TEKT3: variants seen among roughly 807,000 people sequenced by gnomAD.
TEKT3 encodes the protein tektin 3, also known as tektin-3.
In TEKT3, 49 loss-of-function variants were observed where a neutral mutation model predicts 49.8. The observed-to-expected ratio is 0.98, with a 90% CI of 0.78 to 1.25. The LOEUF (loss-of-function observed/expected upper bound fraction) is 1.25, where lower values mean the gene tolerates loss of function less well. TEKT3 is among the 50% of genes most tolerant of loss of function. The pLI, the probability that TEKT3 is intolerant of heterozygous loss-of-function variation, is 0.00. For synonymous variants in TEKT3, 225 were observed against 237.2 expected, an observed-to-expected ratio of 0.95 and a Z score of 0.47; for missense variants, 595 against 629.5, an observed-to-expected ratio of 0.95 and a Z score of 0.59.
intron 2 of TEKT3, among the ~76,000 whole-genome samples, chr17:15,332,417 G>C (rs563808044): frequency 6.6e-6 from 1 of 152,194 alleles, no homozygotes; most frequent in African/African-American, 2.4e-5. Context: ...TCTGTGCCTC[G>C]GTTGCTTCAC....
At chr17:15,310,747 T>C (rs1198303148) in intron 7 of TEKT3, 2 of 152,164 alleles carry the variant, frequency 1.3e-5, no homozygotes, top group Non-Finnish European at 2.9e-5. Context: ...AAATAAAAAT[T>C]TGTTGAAGAA....
intron 5 of TEKT3, among the ~76,000 whole-genome samples, chr17:15,318,567 C>T (rs1196388667): frequency 6.6e-6 from 1 of 152,130 alleles, no homozygotes; most frequent in Non-Finnish European, 1.5e-5. Context: ...CAGAGTCTGT[C>T]TCTGTTGCCC....
At chr17:15,310,760 A>T (rs1910736134) in intron 7 of TEKT3, 1 of 152,146 alleles carries the variant, frequency 6.6e-6, no homozygotes, top group Non-Finnish European at 1.5e-5. Flanking sequence ...TTGAAGAAGG[A>T]ACTCTGTCAC....
chr17:15,312,511 G>A (rs747873882), intron 6 of TEKT3, 30 bp from the exon 7 acceptor site: 8 of 1,599,148 alleles, frequency 5.0e-6, no homozygotes, highest in Non-Finnish European at 6.9e-6. Flanking sequence ...GCAGACAACA[G>A]TGAGAGTGAT....
At position 15,308,927 on chromosome 17, in the gene TEKT3, T is replaced by C. The variant is rs1215190199; in HGVS notation, c.1102-109A>G. Reference sequence around the variant, plus strand: ...TGTCCAGCACGTGCCTTGACCTCGCTGATGAGGAAGTTGCTTCACCAAGAC... The same window carrying C: ...TGTCCAGCACGTGCCTTGACCTCGCCGATGAGGAAGTTGCTTCACCAAGAC... On this transcript the variant is annotated intron_variant, in intron 7 of 8. Coordinates refer to ENST00000395930, the MANE Select transcript of TEKT3 (RefSeq NM_031898.3). The C allele has an allele frequency of 9.6e-6, 13 of 1,357,622 alleles. No homozygotes were observed. The Admixed American group carries it at 2.4e-4, about 25-fold the overall frequency. The allele number at this position is 1,357,622 out of a possible 1,614,324, so 84.1% of individuals were successfully genotyped here.
chr17:15,338,542 C>A (rs1051133300), intron 2 of TEKT3: 1 of 149,454 alleles, frequency 6.7e-6, no homozygotes, highest in Admixed American at 6.6e-5. Flanking sequence ...CTCGCTCTGT[C>A]CCCCAGGCTG....
chr17:15,319,183 A>G (rs775209132), intron 4 of TEKT3, 36 bp from the exon 5 acceptor site: 1 of 1,512,800 alleles, frequency 6.6e-7, no homozygotes, highest in South Asian at 1.2e-5. Context: ...TAATGTTTTC[A>G]TTATTGAATA....
In TEKT3 at chr17:15,335,246, C is replaced by T. The variant is rs117741688; in HGVS notation, c.-29-3632G>A. Among the ~76,000 whole-genome samples the T allele has an allele frequency of 1.1e-3, 171 of 152,238 alleles. 3 individuals are homozygous for T. The East Asian group carries it at 0.022, about 20-fold the overall frequency. On this transcript the variant is annotated intron_variant, in intron 2 of 8. Coordinates refer to ENST00000395930, the MANE Select transcript of TEKT3 (RefSeq NM_031898.3). Reference sequence around the variant, plus strand: ...GTTTCTGGAATAAAGTGAGCTATGCCGAAATAGAGATCCAGAAATCTACAA... The same window carrying T: ...GTTTCTGGAATAAAGTGAGCTATGCTGAAATAGAGATCCAGAAATCTACAA...
At chr17:15,311,856 A>G (rs1482791288) in intron 7 of TEKT3, among the ~76,000 whole-genome samples, 7 of 152,212 alleles carry the variant, frequency 4.6e-5, no homozygotes, top group African/African-American at 1.4e-4. Flanking sequence ...ACTACCTAAC[A>G]GTTTCCTGTA....
intron 8 of TEKT3, among the ~76,000 whole-genome samples, chr17:15,306,128 T>TGTGC (rs1491321683): frequency 3.4e-5 from 5 of 149,100 alleles, no homozygotes; most frequent in Non-Finnish European, 5.9e-5. Context: ...TGTGTGTGTG[T>TGTGC]GCATATATAT....
In TEKT3 at chr17:15,316,192, C is replaced by T. The variant is rs200169996; in HGVS notation, c.735-1962G>A. ...GAAATTCTAGGACTAGAAGGCCTTT[C>T]TCCTTTGGTCTGGGACCAAGATGTC... On this transcript the variant is annotated intron_variant, in intron 5 of 8. Coordinates refer to ENST00000395930, the MANE Select transcript of TEKT3 (RefSeq NM_031898.3). Among the ~76,000 whole-genome samples the T allele has an allele frequency of 2.6e-5, 4 of 152,334 alleles. No individual in the cohort carries two copies. The East Asian group carries it at 7.7e-4, about 29-fold the overall frequency.
At chr17:15,311,322 G>T (rs899101474) in intron 7 of TEKT3, 1 of 152,134 alleles carries the variant, frequency 6.6e-6, no homozygotes, top group African/African-American at 2.4e-5. Flanking sequence ...ATGGTGCAAG[G>T]TTCTTAAAAA....
At chr17:15,319,913 G>A (rs1456859704) in intron 4 of TEKT3, among the ~76,000 whole-genome samples, 1 of 152,138 alleles carries the variant, frequency 6.6e-6, no homozygotes, top group African/African-American at 2.4e-5. Context: ...CAGCCAAAAA[G>A]TTGTCATACT....
intron 5 of TEKT3, among the ~76,000 whole-genome samples, chr17:15,315,992 T>C (rs958046226): frequency 6.6e-6 from 1 of 152,240 alleles, no homozygotes; most frequent in Non-Finnish European, 1.5e-5. Flanking sequence ...AGCAAATCAC[T>C]TGACCTCTCA....
At chr17:15,338,674 T>A (rs1243027374) in intron 2 of TEKT3, 2 of 78,632 alleles carry the variant, frequency 2.5e-5, no homozygotes, top group African/African-American at 1.2e-4. Flanking sequence ...CTGGCTAATT[T>A]TTTTTTTTTT....
In TEKT3 at chr17:15,304,192, A is replaced by G. The variant is rs774906324; in HGVS notation, c.1257-40T>C. On this transcript the variant is annotated intron_variant, in intron 8 of 8. Coordinates refer to ENST00000395930, the MANE Select transcript of TEKT3 (RefSeq NM_031898.3). The surrounding 1 kb of genome is among the most constrained non-coding windows in gnomAD (Gnocchi z 4.7). ...AATCAGCATGGTTAGGTCAGCATGT[A>G]GCTTACGCAACTCCAAGTACATCAC... 1 of 1,602,260 alleles carries G rather than the reference A, an allele frequency of 6.2e-7. No homozygotes were observed. Among genetic ancestry groups the G allele is most frequent in the Non-Finnish European group, 8.5e-7 (1 of 1,169,816 alleles).
chr17:15,331,893 T>C (rs530317488), intron 2 of TEKT3, among the ~76,000 whole-genome samples: 1 of 152,314 alleles, frequency 6.6e-6, no homozygotes, highest in South Asian at 2.1e-4. Flanking sequence ...TGTCTTGTTG[T>C]AACAAATTCA....
At chr17:15,330,310 A>C (rs1159290415) in intron 3 of TEKT3, among the ~76,000 whole-genome samples, 1 of 152,166 alleles carries the variant, frequency 6.6e-6, no homozygotes, top group Non-Finnish European at 1.5e-5. Context: ...TATGGTTTGG[A>C]TCTGTGTCCC....
chr17:15,312,325 C>T lies in TEKT3; in HGVS notation c.1035G>A (p.Leu345=). ...EMWNQFNKVN[L]SFTNRIAETA... is the part of the protein sequence containing the mutation. ...TCTCAGCAATGCGATTGGTGAAAGA[C>T]AAGTTCACTTTGTTGAATTGATTCC... Residue 345 remains leucine, a synonymous_variant, in exon 7 of 9, where the codon TTG becomes TTA. Coordinates refer to ENST00000395930, the MANE Select transcript of TEKT3 (RefSeq NM_031898.3). The T allele has an allele frequency of 6.2e-7, 1 of 1,614,226 alleles. No individual in the cohort carries two copies.
Sources: allele counts gnomAD v4.1 joint callset (sites outside exome capture counted in the v4.1 genomes callset), GRCh38; gene constraint gnomAD v4.1.1; non-coding constraint Gnocchi (gnomAD v3.1); transcripts MANE v1.5; gene names NCBI Gene and HGNC (gene_info 2026-07-23, HGNC 2026-07-21).